Variants in PPIG observed in about 807,000 individuals in gnomAD.
PPIG encodes the protein peptidyl-prolyl cis-trans isomerase G.
In PPIG, 26 loss-of-function variants were observed where a neutral mutation model predicts 87.9. The observed-to-expected ratio is 0.30, with a 90% CI of 0.22 to 0.41. The LOEUF (loss-of-function observed/expected upper bound fraction) is 0.41. Ranked by LOEUF, PPIG falls within the 10% of genes least tolerant of loss-of-function variation. The probability of loss-of-function intolerance (pLI) is 1.00; values close to 1 mark genes in which losing one functional copy is unlikely to be tolerated. For synonymous variants in PPIG, 308 were observed against 276.5 expected (o/e 1.11, Z -1.13); for missense variants, 722 against 879.4 (o/e 0.82, Z 2.26).
At chr2:169,633,996 T>G (rs979175582) in intron 12 of PPIG, among the ~76,000 whole-genome samples, 13 of 151,870 alleles carry the variant, frequency 8.6e-5, no homozygotes, top group African/African-American at 2.9e-4. Context: ...GCCCGGCTAA[T>G]TTTTGTATTT....
intron 1 of PPIG, among the ~76,000 whole-genome samples, chr2:169,603,179 A>G (rs991887680): frequency 6.6e-6 from 1 of 152,148 alleles, no homozygotes; most frequent in African/African-American, 2.4e-5. Flanking sequence ...TGAAACTGTC[A>G]TTTTTAGAGT....
At chr2:169,625,271 TA>T (rs1461341262) in intron 9 of PPIG, among the ~76,000 whole-genome samples, 1 of 152,228 alleles carries the variant, frequency 6.6e-6, no homozygotes, top group Non-Finnish European at 1.5e-5. Context: ...TCAGAAAGTA[TA>T]AAATGATAAT....
chr2:169,611,575 G>C (rs1685488627), intron 7 of PPIG, among the ~76,000 whole-genome samples: 1 of 152,092 alleles, frequency 6.6e-6, no homozygotes, highest in Admixed American at 6.5e-5. Flanking sequence ...ACATTTTTAA[G>C]CCTTTTCATA....
At chr2:169,610,022 T>C (rs1685443611) in intron 7 of PPIG, among the ~76,000 whole-genome samples, 1 of 152,228 alleles carries the variant, frequency 6.6e-6, no homozygotes, top group Admixed American at 6.5e-5. Flanking sequence ...AAAAAAATTA[T>C]GACCAGGCCT....
At chr2:169,624,889 C>CGGA (rs1685845436) in intron 9 of PPIG, among the ~76,000 whole-genome samples, 1 of 152,070 alleles carries the variant, frequency 6.6e-6, no homozygotes, top group Non-Finnish European at 1.5e-5. Context: ...CGCGCCCAGC[C>CGGA]GGAAGTAGGT....
chr2:169,614,012 A>G (rs961536195), intron 7 of PPIG, among the ~76,000 whole-genome samples: 5 of 152,254 alleles, frequency 3.3e-5, no homozygotes, highest in African/African-American at 4.8e-5. Flanking sequence ...TCTGAGGATC[A>G]TAAGAATATA....
chr2:169,592,303 CTTTTTT>C (rs777690234), intron 1 of PPIG, among the ~76,000 whole-genome samples: 3 of 93,566 alleles, frequency 3.2e-5, no homozygotes, highest in African/African-American at 1.3e-4. Context: ...TGTCTTTTTT[CTTTTTT>C]TTTTTTTTTT....
chr2:169,636,431 A>C lies in PPIG; in HGVS notation c.1173A>C (p.Ile391=). The change falls in exon 14 of 14, where the codon ATA becomes ATC. Residue 391 remains isoleucine (I), a synonymous_variant. Transcript: ENST00000260970. ...IKGDKSELNE[I]KENQRSPVRV... ...TTTTTAGGAGTGAGTTGAATGAAAT[A>C]AAAGAAAATCAGAGAAGTCCAGTTA... The C allele has an allele frequency of 6.5e-7, 1 of 1,541,580 alleles. No homozygotes were observed. The highest frequency in any genetic ancestry group is 2.3e-5 in the East Asian group (1 of 43,980).
chr2:169,607,022 C>A, intron 5 of PPIG, 82 bp from the exon 6 acceptor site: 3 of 849,226 alleles, frequency 3.5e-6, no homozygotes, highest in Non-Finnish European at 3.8e-6. Flanking sequence ...ATTCAAAAAT[C>A]TACTTTACAA....
At chr2:169,605,216 C>A (rs560397895) in intron 4 of PPIG, among the ~76,000 whole-genome samples, 2 of 152,234 alleles carry the variant, frequency 1.3e-5, no homozygotes, top group South Asian at 4.1e-4. Context: ...TGCCTGTAAT[C>A]CCAGCTACTC....
chr2:169,598,274 G>T (rs1169576609), intron 1 of PPIG, among the ~76,000 whole-genome samples: 1 of 152,028 alleles, frequency 6.6e-6, no homozygotes, highest in South Asian at 2.1e-4. Context: ...GTAAGCCACT[G>T]CATCTAGCCT....
chr2:169,617,087 C>T (rs1685625335), intron 9 of PPIG, among the ~76,000 whole-genome samples: 1 of 152,112 alleles, frequency 6.6e-6, no homozygotes, highest in African/African-American at 2.4e-5. Flanking sequence ...TATGGCTAGC[C>T]AGTTTCCTAA....
At chr2:169,610,353 C>T (rs1327955509) in intron 7 of PPIG, among the ~76,000 whole-genome samples, 1 of 152,142 alleles carries the variant, frequency 6.6e-6, no homozygotes, top group African/African-American at 2.4e-5. Context: ...GGTAGTTAAA[C>T]ACCAAGTTTA....
intron 11 of PPIG, 111 bp downstream of exon 11, chr2:169,632,044 A>G (rs761791076): frequency 7.8e-5 from 99 of 1,276,858 alleles, no homozygotes; most frequent in Non-Finnish European, 9.4e-5. Flanking sequence ...CAAGATTGAA[A>G]TCTTTTTTAT....
intron 1 of PPIG, among the ~76,000 whole-genome samples, chr2:169,596,721 A>G (rs892406653): frequency 3.3e-5 from 5 of 151,866 alleles, no homozygotes; most frequent in African/African-American, 1.2e-4. Context: ...TTTTTCTGAG[A>G]CGGAGTCTTA....
At chr2:169,587,273 G>A (rs1156345977) in intron 1 of PPIG, among the ~76,000 whole-genome samples, 2 of 150,496 alleles carry the variant, frequency 1.3e-5, no homozygotes, top group South Asian at 4.2e-4. Flanking sequence ...ACAGAGTCTC[G>A]CTGTCTTGCC....
chr2:169,608,015 A>T (rs1553545647), intron 6 of PPIG, among the ~76,000 whole-genome samples: 2 of 152,170 alleles, frequency 1.3e-5, no homozygotes, highest in Non-Finnish European at 2.9e-5. Context: ...CTACAGCCAC[A>T]CTACTGTGCT....
intron 1 of PPIG, among the ~76,000 whole-genome samples, chr2:169,601,906 C>CAAA (rs140359069): frequency 7.2e-6 from 1 of 138,622 alleles, no homozygotes; most frequent in Non-Finnish European, 1.6e-5. Flanking sequence ...AAGACTTGTA[C>CAAA]AAAAAAAAAA....
intron 1 of PPIG, among the ~76,000 whole-genome samples, chr2:169,596,501 C>G (rs978921863): frequency 6.6e-6 from 1 of 152,178 alleles, no homozygotes; most frequent in Admixed American, 6.5e-5. Flanking sequence ...CAGCAGAAAG[C>G]TCACCTCACC....
Sources: gnomAD v4.1 joint callset for allele counts (sites outside exome capture counted in the v4.1 genomes callset) on GRCh38, gnomAD v4.1.1 for gene constraint, MANE v1.5 for transcripts, NCBI Gene and HGNC (gene_info 2026-07-23, HGNC 2026-07-21) for gene names.